Variants in CGGBP1 observed in about 807,000 individuals in gnomAD.
The protein encoded by CGGBP1 is CGG triplet repeat binding protein 1, also known as CGG triplet repeat-binding protein 1.
Under a neutral mutation model 11.4 loss-of-function variants are expected in CGGBP1, and 4 were observed. The ratio of observed to expected loss-of-function variants is 0.35; its 90% CI spans 0.17 to 0.80. The LOEUF (loss-of-function observed/expected upper bound fraction) is 0.80, where lower values mean the gene tolerates loss of function less well. CGGBP1 is among the 30% of genes least tolerant of loss of function. The pLI is 0.52. For missense variants in CGGBP1, 135 were observed against 202.1 expected (o/e 0.67, Z 2.01); for synonymous variants, 76 against 74.1 (o/e 1.03, Z -0.13).
intron 2 of CGGBP1, among the ~76,000 whole-genome samples, chr3:88,094,385 T>G (rs983157172): frequency 1.3e-5 from 2 of 152,132 alleles, no homozygotes; most frequent in African/African-American, 4.8e-5. Context: ...GGACTATAGT[T>G]GTTTTATGAG....
In CGGBP1 at chr3:88,139,043, G is replaced by A. The variant is rs1247825184; in HGVS notation, c.-229+1927C>T. 1.4e-5 allele frequency: 17 copies of A among 1,241,934 alleles called. No homozygotes were observed. In the South Asian group the frequency reaches 4.8e-4, roughly 35 times the overall value. The allele number at this position is 1,241,934 out of a possible 1,614,324, so 76.9% of individuals were successfully genotyped here. A position where few individuals can be genotyped will look rare whatever the true frequency, so the allele number is the denominator to read the frequency against. ...AATTTTGGAACTTCGTAATGATTAAGAAAAACTGTGTAGCATTATTGAGTG... is the reference window on the plus strand; with the variant it reads ...AATTTTGGAACTTCGTAATGATTAAAAAAAACTGTGTAGCATTATTGAGTG... On this transcript the variant is annotated intron_variant, in intron 2 of 3. Transcript: ENST00000462901.
At chr3:88,057,028 C>T (rs981050298) in intron 3 of CGGBP1, 163 bp downstream of exon 3, 2 of 152,060 alleles carry the variant, frequency 1.3e-5, no homozygotes, top group Non-Finnish European at 1.5e-5. Context: ...TACCTTTGGG[C>T]TCTTACAATA....
chr3:88,101,846 C>G (rs1385936857), intron 2 of CGGBP1, among the ~76,000 whole-genome samples: 2 of 152,102 alleles, frequency 1.3e-5, no homozygotes, highest in Non-Finnish European at 2.9e-5. Flanking sequence ...TTCATAATAG[C>G]CATTTTAATG....
chr3:88,112,722 A>G (rs544154708), intron 2 of CGGBP1, among the ~76,000 whole-genome samples: 1 of 152,068 alleles, frequency 6.6e-6, no homozygotes, highest in African/African-American at 2.4e-5. Context: ...CCTGAAAAAA[A>G]TGAGATTTTG....
intron 2 of CGGBP1, among the ~76,000 whole-genome samples, chr3:88,097,646 T>C (rs947956699): frequency 1.3e-5 from 2 of 152,062 alleles, no homozygotes; most frequent in African/African-American, 4.8e-5. Flanking sequence ...CAGACCACAG[T>C]GCAATCAAAT....
rs537618795 is a variant in CGGBP1 at position 88,088,002 on chromosome 3, G to A, written c.-228-29779C>T. ...TGGATTAGGGATGCTCAATCAGTAAGTATAAATACAAATACTACAAAATCC... is the reference window on the plus strand; with the variant it reads ...TGGATTAGGGATGCTCAATCAGTAAATATAAATACAAATACTACAAAATCC... On this transcript the variant is annotated intron_variant, in intron 2 of 3. Coordinates refer to the CGGBP1 transcript ENST00000462901. Among the ~76,000 whole-genome samples the A allele has an allele frequency of 3.9e-5, 6 of 152,288 alleles. No individual in the cohort carries two copies. The South Asian group carries it at 1.2e-3, about 32-fold the overall frequency.
intron 2 of CGGBP1, among the ~76,000 whole-genome samples, chr3:88,102,976 C>G (rs1206143602): frequency 1.3e-5 from 2 of 151,992 alleles, no homozygotes; most frequent in Admixed American, 1.3e-4. Context: ...TTTTTAAATC[C>G]TACCCTCTGC....
At chr3:88,068,225 G>A (rs1033085083) in intron 2 of CGGBP1, among the ~76,000 whole-genome samples, 2 of 151,958 alleles carry the variant, frequency 1.3e-5, no homozygotes, top group Admixed American at 6.5e-5. Flanking sequence ...GTGCTTATTT[G>A]TCTCGGTGAA....
chr3:88,147,028 T>C (rs1340240140), intron 1 of CGGBP1, among the ~76,000 whole-genome samples: 1 of 152,208 alleles, frequency 6.6e-6, no homozygotes, highest in Non-Finnish European at 1.5e-5. Flanking sequence ...AATCCTGTTC[T>C]GAGACAAGTC....
intron 2 of CGGBP1, among the ~76,000 whole-genome samples, chr3:88,090,043 A>T (rs1576248338): frequency 6.6e-6 from 1 of 152,340 alleles, no homozygotes; most frequent in Admixed American, 6.5e-5. Context: ...AAAGTATAGC[A>T]TATAGAATTA....
intron 2 of CGGBP1, among the ~76,000 whole-genome samples, chr3:88,065,066 G>T (rs953638229): frequency 6.6e-6 from 1 of 152,064 alleles, no homozygotes; most frequent in African/African-American, 2.4e-5. Flanking sequence ...AAATTTAATT[G>T]CATTGATGCA....
At chr3:88,129,321 TAAA>T (rs11370327) in intron 2 of CGGBP1, among the ~76,000 whole-genome samples, 16 of 76,932 alleles carry the variant, frequency 2.1e-4, no homozygotes, top group African/African-American at 3.7e-4. Context: ...TTGCCAGGAG[TAAA>T]AAAAAAAAAA....
At chr3:88,120,011 T>G (rs1705673312) in intron 2 of CGGBP1, among the ~76,000 whole-genome samples, 1 of 152,110 alleles carries the variant, frequency 6.6e-6, no homozygotes, top group South Asian at 2.1e-4. Context: ...TTAAATATTC[T>G]TTTTTTCAAG....
At chr3:88,061,898 A>T (rs1189084377), upstream of CGGBP1, among the ~76,000 whole-genome samples, 1 of 152,164 alleles carries the variant, frequency 6.6e-6, no homozygotes, top group Non-Finnish European at 1.5e-5. Flanking sequence ...TTATACAGAC[A>T]GGCTAGTGGT....
intron 2 of CGGBP1, among the ~76,000 whole-genome samples, chr3:88,116,636 GTA>G (rs1705424085): frequency 6.6e-6 from 1 of 151,092 alleles, no homozygotes; most frequent in Admixed American, 6.6e-5. Context: ...GTATATATAT[GTA>G]TATATATGGC....
At chr3:88,098,944 T>A (rs1268618504) in intron 2 of CGGBP1, among the ~76,000 whole-genome samples, 5 of 152,202 alleles carry the variant, frequency 3.3e-5, no homozygotes, top group Non-Finnish European at 7.3e-5. Flanking sequence ...ATGCCCTCTG[T>A]CACTACTTCT....
At chr3:88,094,102 TTC>T (rs1703910566) in intron 2 of CGGBP1, among the ~76,000 whole-genome samples, 1 of 56,150 alleles carries the variant, frequency 1.8e-5, no homozygotes, top group South Asian at 1.2e-3. Context: ...AGAGATAATA[TTC>T]TTTTTTTTTT....
At chr3:88,100,022 TC>T (rs1704313749) in intron 2 of CGGBP1, among the ~76,000 whole-genome samples, 1 of 152,122 alleles carries the variant, frequency 6.6e-6, no homozygotes, top group East Asian at 1.9e-4. Context: ...GAAACTACCA[TC>T]ACAGTGAACA....
intron 3 of CGGBP1, chr3:88,056,683 T>C (rs1706550002): frequency 6.6e-6 from 1 of 152,010 alleles, no homozygotes. Flanking sequence ...TCTCTAATAC[T>C]TGTTTCCTTT....
Sources: gnomAD v4.1 joint callset for allele counts (sites outside exome capture counted in the v4.1 genomes callset) on GRCh38, gnomAD v4.1.1 for gene constraint, MANE v1.5 for transcripts, NCBI Gene and HGNC (gene_info 2026-07-23, HGNC 2026-07-21) for gene names.